The following PLXNC1 variants were observed in gnomAD, a reference collection of about 807,000 sequenced individuals.
The protein encoded by PLXNC1 is plexin-C1.
PLXNC1 carries 75 observed loss-of-function variants against 178.2 expected under a neutral mutation model. That is an observed-to-expected ratio of 0.42 (90% CI 0.35 to 0.51). PLXNC1 has a LOEUF of 0.51. PLXNC1 is among the 20% of genes least tolerant of loss of function. The pLI is 0.02. For synonymous variants in PLXNC1, 790 were observed against 779.9 expected, an observed-to-expected ratio of 1.01 and a Z score of -0.22; for missense variants, 1,503 against 1,984.4, an observed-to-expected ratio of 0.76 and a Z score of 4.61.
chr12:94,240,902 A>G (rs1205543254), intron 11 of PLXNC1, among the ~76,000 whole-genome samples: 2 of 152,190 alleles, frequency 1.3e-5, no homozygotes, highest in African/African-American at 4.8e-5. Flanking sequence ...AGAAACTCAC[A>G]GCTGAAATGT....
At chr12:94,298,594 T>A in intron 26 of PLXNC1, 38 bp from the exon 27 acceptor site, 1 of 1,535,804 alleles carries the variant, frequency 6.5e-7, no homozygotes, top group African/African-American at 1.4e-5. Flanking sequence ...ACTACCACAG[T>A]TTTTAATCTC....
intron 4 of PLXNC1, among the ~76,000 whole-genome samples, chr12:94,193,573 T>A (rs1288527636): frequency 3.9e-5 from 6 of 152,218 alleles, no homozygotes; most frequent in African/African-American, 1.2e-4. Flanking sequence ...AACAAACAAG[T>A]GATACCCACA....
intron 23 of PLXNC1, among the ~76,000 whole-genome samples, chr12:94,286,155 C>T (rs1038665289): frequency 1.3e-5 from 2 of 152,320 alleles, no homozygotes; most frequent in East Asian, 1.9e-4. Flanking sequence ...AGTCACTTCC[C>T]GTCCAAATGA....
At chr12:94,165,989 C>T (rs982604483) in intron 1 of PLXNC1, among the ~76,000 whole-genome samples, 6 of 152,026 alleles carry the variant, frequency 3.9e-5, no homozygotes, top group Non-Finnish European at 8.8e-5. Context: ...CATCTCCCTG[C>T]CCAGGACTGG....
At chr12:94,189,035 C>T (rs1481808003) in intron 4 of PLXNC1, among the ~76,000 whole-genome samples, 3 of 152,188 alleles carry the variant, frequency 2.0e-5, no homozygotes, top group Non-Finnish European at 4.4e-5. Context: ...AAATATCGAG[C>T]GGTTGCCAGG....
At chr12:94,239,690 G>T (rs567159491) in intron 10 of PLXNC1, among the ~76,000 whole-genome samples, 19 of 152,194 alleles carry the variant, frequency 1.2e-4, no homozygotes, top group African/African-American at 2.9e-4. Flanking sequence ...AGAAAGCTTC[G>T]CTCTGACTCT....
rs184065293 is a variant in PLXNC1, at chr12:94,211,911, G to T, written c.1554+2207G>T. ...AAAAATATAGAAGAATTCAAACAAG[G>T]TTGTAAACATGGGCTCCCCTGGTGG... On this transcript the variant is annotated intron_variant, in intron 5 of 30. Coordinates refer to ENST00000258526, the MANE Select transcript of PLXNC1 (RefSeq NM_005761.3). Among the ~76,000 whole-genome samples, 805 of 152,324 alleles carry T rather than the reference G, an allele frequency of 5.3e-3. 6 individuals carry two copies. The highest frequency in any genetic ancestry group is 9.0e-3 in the Non-Finnish European group (610 of 68,024).
At chr12:94,213,018 C>T (rs1176222372) in intron 5 of PLXNC1, among the ~76,000 whole-genome samples, 7 of 152,192 alleles carry the variant, frequency 4.6e-5, no homozygotes, top group Admixed American at 4.6e-4. Context: ...CGTGCCCGGC[C>T]TACGTGCCAC....
rs572305347 is a variant in PLXNC1, at chr12:94,263,213, C to T, written c.3451-1866C>T. Among the ~76,000 whole-genome samples, 17 of 151,958 alleles carry T rather than the reference C, an allele frequency of 1.1e-4. No individual in the cohort carries two copies. In the East Asian group the frequency reaches 2.9e-3, roughly 26 times the overall value. On this transcript the variant is annotated intron_variant, in intron 20 of 30. Transcript: ENST00000258526. ...TCCTCCCCCACCGCCTCCCCGCCCC[C>T]GGCCCCGGGAAGGTAATGAAAACTA...
intron 4 of PLXNC1, chr12:94,186,690 G>A (rs535053631): frequency 1.2e-4 from 55 of 477,352 alleles, no homozygotes; most frequent in Non-Finnish European, 2.0e-4. Context: ...CCCCAGTCTC[G>A]GGGCGGGAGG....
Position 94,149,979 on chromosome 12 carries a change from C to A in PLXNC1, c.1008C>A (p.Ile336=), listed in dbSNP as rs765538513. The A allele has an allele frequency of 8.1e-6, 13 of 1,595,192 alleles. No homozygotes were observed. Among genetic ancestry groups the A allele is most frequent in the Non-Finnish European group, 1.1e-5 (13 of 1,172,172 alleles). ...TALCLFRMSE[I]QARAKRVSWD... is the part of the protein sequence containing the mutation. ...TCTGCCTCTTCAGAATGAGTGAGAT[C>A]CAGGCGCGCGCCAAGAGGGTCAGCT... Residue 336 remains isoleucine (I), a synonymous_variant, in exon 1 of 31, where the codon ATC becomes ATA. Transcript: ENST00000258526.
chr12:94,259,593 T>G lies in PLXNC1; in HGVS notation c.3127-17T>G. 1 of 1,549,544 alleles carries G rather than the reference T, an allele frequency of 6.5e-7. No individual in the cohort carries two copies. The highest frequency in any genetic ancestry group is 8.7e-7 in the Non-Finnish European group (1 of 1,145,384). ...TATGATTTTGTATTATACTATATAT[T>G]TTTTTCTTTTTATCAGAACAGAGAC... On this transcript the variant is annotated splice_polypyrimidine_tract_variant and intron_variant, in intron 18 of 30. Coordinates refer to ENST00000258526, the MANE Select transcript of PLXNC1 (RefSeq NM_005761.3).
chr12:94,259,951 C>T (rs554958468), intron 19 of PLXNC1, among the ~76,000 whole-genome samples: 1 of 151,952 alleles, frequency 6.6e-6, no homozygotes, highest in African/African-American at 2.4e-5. Flanking sequence ...TATTTTATTT[C>T]CAAACCACTA....
intron 5 of PLXNC1, among the ~76,000 whole-genome samples, chr12:94,212,702 ATTTTC>A (rs1395010882): frequency 4.8e-5 from 7 of 145,462 alleles, no homozygotes; most frequent in South Asian, 2.2e-4. Context: ...TAGGTGCCAC[ATTTTC>A]TTTTCTTTTC....
chr12:94,274,155 T>TA (rs3060881), intron 21 of PLXNC1, among the ~76,000 whole-genome samples: 2,078 of 45,338 alleles, frequency 0.046, 136 homozygotes, highest in South Asian at 0.083. Flanking sequence ...ACCCTGTCTC[T>TA]AAAAAAAAAA....
At position 94,275,711 on chromosome 12, in the gene PLXNC1, C is replaced by T. The variant is rs961127344; in HGVS notation, c.3598-3761C>T. On this transcript the variant is annotated intron_variant, in intron 21 of 30. Transcript: ENST00000258526. ...TACTAAAAAAATACAAAAAATTAGC[C>T]GGGCGTAGTGGCGGGCGCCTGTAGT... Among the ~76,000 whole-genome samples the T allele has an allele frequency of 1.4e-4, 18 of 130,412 alleles. 4 individuals carry two copies. Among genetic ancestry groups the T allele is most frequent in the Non-Finnish European group, 2.3e-4 (14 of 61,884 alleles). 85.6% of individuals were successfully genotyped at this position (130,412 alleles called of 152,430 possible). A position where few individuals can be genotyped will look rare whatever the true frequency, so the allele number is the denominator to read the frequency against.
chr12:94,277,846 T>G (rs909313522), intron 21 of PLXNC1: 2 of 429,408 alleles, frequency 4.7e-6, no homozygotes, highest in Admixed American at 4.9e-5. Context: ...ATGATCACAT[T>G]TAATCTCCCT....
chr12:94,279,466 T>C lies in PLXNC1; in HGVS notation c.3598-6T>C, dbSNP rs1271328799. 6.2e-7 allele frequency: 1 copy of C among 1,610,718 alleles called. No individual in the cohort carries two copies. The highest frequency in any genetic ancestry group is 1.1e-5 in the South Asian group (1 of 90,798). On this transcript the variant is annotated splice_polypyrimidine_tract_variant and splice_region_variant and intron_variant, in intron 21 of 30. Transcript: ENST00000258526. ...TAGACTTGGAAACCTGTTTGTACTC[T>C]TGCAGGCATTAAACGTCGTCTTTGA...
intron 5 of PLXNC1, among the ~76,000 whole-genome samples, chr12:94,215,150 G>A (rs988307718): frequency 6.6e-6 from 1 of 152,026 alleles, no homozygotes; most frequent in Non-Finnish European, 1.5e-5. Flanking sequence ...TGCCCGCCTC[G>A]GCCTCCCAAA....
Sources: gnomAD v4.1 joint callset for allele counts (sites outside exome capture counted in the v4.1 genomes callset) on GRCh38, gnomAD v4.1.1 for gene constraint, MANE v1.5 for transcripts, NCBI Gene and HGNC (gene_info 2026-07-23, HGNC 2026-07-21) for gene names.